DYNC2H1: variants seen among roughly 807,000 people sequenced by gnomAD.
DYNC2H1 encodes the protein cytoplasmic dynein 2 heavy chain 1.
In DYNC2H1, 410 loss-of-function variants were observed where a neutral mutation model predicts 570.0. That is an observed-to-expected ratio of 0.72 (90% CI 0.66 to 0.78). The LOEUF (loss-of-function observed/expected upper bound fraction) is 0.78. Ranked by LOEUF, DYNC2H1 falls within the 30% of genes least tolerant of loss-of-function variation. The probability of loss-of-function intolerance (pLI) is 0.00; values close to 1 mark genes in which losing one functional copy is unlikely to be tolerated. For missense variants in DYNC2H1, 4,865 were observed against 5,046.4 expected (o/e 0.96, Z 1.09); for synonymous variants, 1,688 against 1,677.6 (o/e 1.01, Z -0.15).
intron 54 of DYNC2H1, among the ~76,000 whole-genome samples, chr11:103,214,508 G>A (rs914287912): frequency 4.8e-5 from 7 of 146,842 alleles, no homozygotes; most frequent in East Asian, 2.0e-4. Context: ...GTAATAGTGC[G>A]GTCTTGGCTC....
chr11:103,175,589 CTG>C lies in DYNC2H1; in HGVS notation c.5675-643_5675-642del, dbSNP rs199580894. On this transcript the variant is annotated intron_variant, in intron 36 of 88. Coordinates refer to ENST00000375735, the MANE Select transcript of DYNC2H1 (RefSeq NM_001377.3). ...TATCTTACCAATCAGCAGCTAATAT[CTG>C]TGAAAATAAGAGTCTGGCAGTGGTA... 8.7e-3 allele frequency among the ~76,000 whole-genome samples: 1,322 copies of C among 152,222 alleles called. 15 individuals are homozygous for C. The highest frequency in any genetic ancestry group is 0.03 in the African/African-American group (1,258 of 41,538).
chr11:103,282,683 C>T (rs992803862), intron 72 of DYNC2H1, among the ~76,000 whole-genome samples: 12 of 151,774 alleles, frequency 7.9e-5, no homozygotes, highest in South Asian at 2.1e-4. Context: ...AAATATAACA[C>T]GGAACATAGA....
chr11:103,109,605 C>T lies in DYNC2H1; in HGVS notation c.31C>T (p.Leu11Phe). The part of the protein sequence containing the change: MANGTADVRK[L>F]FIFTTTQNYF... ...GAACGGGACTGCGGACGTTCGGAAGCTCTTCATCTTCACTACTACCCAGAA... is the reference window on the plus strand; with the variant it reads ...GAACGGGACTGCGGACGTTCGGAAGTTCTTCATCTTCACTACTACCCAGAA... The change falls in exon 1 of 89, where the codon CTC (leucine) becomes TTC (phenylalanine). Residue 11 changes from leucine to phenylalanine, a missense_variant. Physicochemically the swap from Leu to Phe is conservative, Grantham distance 22. Coordinates refer to ENST00000375735, the MANE Select transcript of DYNC2H1 (RefSeq NM_001377.3). 1.2e-6 allele frequency: 2 copies of T among 1,613,944 alleles called. No individual in the cohort carries two copies. The highest frequency in any genetic ancestry group is 2.2e-5 in the South Asian group (2 of 91,062).
At chr11:103,322,713 C>G (rs933600467) in intron 81 of DYNC2H1, among the ~76,000 whole-genome samples, 1 of 152,080 alleles carries the variant, frequency 6.6e-6, no homozygotes, top group Non-Finnish European at 1.5e-5. Context: ...TTGAAATAAG[C>G]AAAGTGTATA....
At chr11:103,345,351 T>C (rs922675899) in intron 82 of DYNC2H1, among the ~76,000 whole-genome samples, 1 of 152,132 alleles carries the variant, frequency 6.6e-6, no homozygotes, top group Non-Finnish European at 1.5e-5. Flanking sequence ...CTGCATAAGC[T>C]CAAGAGTTTC....
chr11:103,311,110 A>G (rs1867569163), intron 78 of DYNC2H1, among the ~76,000 whole-genome samples: 1 of 152,134 alleles, frequency 6.6e-6, no homozygotes, highest in African/African-American at 2.4e-5. Context: ...CCCTGAATTT[A>G]TTATTTTTAT....
intron 82 of DYNC2H1, among the ~76,000 whole-genome samples, chr11:103,348,207 C>G (rs1306616921): frequency 6.6e-6 from 1 of 152,128 alleles, no homozygotes; most frequent in Non-Finnish European, 1.5e-5. Context: ...CAGTGTTTAA[C>G]TGACCCTAGC....
rs895566105 is a variant in DYNC2H1, at chr11:103,243,920, A to G, written c.9918+129A>G. ...CTGTATGGGACCTTGGGCGAGAGAT[A>G]TAACTCTTAGCTTCAGTTTTCTAAT... On this transcript the variant is annotated intron_variant, in intron 64 of 88. Transcript: ENST00000375735. This position sits in a 1 kb window ranked among gnomAD's most constrained non-coding sequence, Gnocchi z 4.8. 4 of 534,178 alleles carry G rather than the reference A, an allele frequency of 7.5e-6. No individual in the cohort carries two copies. The highest frequency in any genetic ancestry group is 4.9e-5 in the South Asian group (1 of 20,472). The allele number at this position is 534,178 out of a possible 1,614,324, so 33.1% of individuals were successfully genotyped here.
At chr11:103,285,025 T>G (rs1011059530) in intron 73 of DYNC2H1, among the ~76,000 whole-genome samples, 1 of 152,188 alleles carries the variant, frequency 6.6e-6, no homozygotes, top group Non-Finnish European at 1.5e-5. Context: ...CAAAGAGGGT[T>G]AGAACATTTA....
intron 60 of DYNC2H1, 122 bp from the exon 61 acceptor site, chr11:103,233,912 C>A: frequency 1.1e-5 from 8 of 703,974 alleles, no homozygotes; most frequent in East Asian, 9.5e-5. Context: ...ACTTTGTATG[C>A]AAACATTAAT....
chr11:103,223,893 A>G (rs1863698167), intron 59 of DYNC2H1, among the ~76,000 whole-genome samples: 3 of 151,686 alleles, frequency 2.0e-5, no homozygotes, highest in Non-Finnish European at 4.4e-5. Context: ...GATTACAGGC[A>G]TGTGCCACCA....
At position 103,243,752 on chromosome 11, in the gene DYNC2H1, A is replaced by G; in HGVS notation, c.9879A>G (p.Thr3293=). 1.2e-6 allele frequency: 2 copies of G among 1,605,306 alleles called. No homozygotes were observed. Among genetic ancestry groups the G allele is most frequent in the Non-Finnish European group, 1.7e-6 (2 of 1,175,412 alleles). Residue 3293 remains threonine, a synonymous_variant, in exon 64 of 89, where the codon ACA becomes ACG. Coordinates refer to ENST00000375735, the MANE Select transcript of DYNC2H1 (RefSeq NM_001377.3). The surrounding 1 kb of genome is among the most constrained non-coding windows in gnomAD (Gnocchi z 4.8). ...PSSQATEWLK[T]HLKDSRLEVI... ...CCCAAGCTACAGAGTGGTTAAAAACACATTTGAAAGACTCACGTTTAGAAG... is the reference window on the plus strand; with the variant it reads ...CCCAAGCTACAGAGTGGTTAAAAACGCATTTGAAAGACTCACGTTTAGAAG...
rs916525765 is a variant in DYNC2H1, at chr11:103,305,690, G to A, written c.11382+970G>A. Among the ~76,000 whole-genome samples the A allele has an allele frequency of 6.7e-6, 1 of 149,322 alleles. No individual in the cohort carries two copies. The highest frequency in any genetic ancestry group is 2.5e-5 in the African/African-American group (1 of 40,608). Reference sequence around the variant, plus strand: ...AAAATCTCTGCAGTCCTAATTAATTGGCAACTACACACTTCCACAAATAGT... The same window carrying A: ...AAAATCTCTGCAGTCCTAATTAATTAGCAACTACACACTTCCACAAATAGT... On this transcript the variant is annotated intron_variant, in intron 77 of 88. Transcript: ENST00000375735. The surrounding 1 kb of genome is among the most constrained non-coding windows in gnomAD (Gnocchi z 4.3).
intron 59 of DYNC2H1, among the ~76,000 whole-genome samples, chr11:103,226,307 A>G (rs1863799411): frequency 6.6e-6 from 1 of 152,142 alleles, no homozygotes; most frequent in African/African-American, 2.4e-5. Context: ...CTCATGGGGA[A>G]TGCATTCCAC....
intron 88 of DYNC2H1, among the ~76,000 whole-genome samples, chr11:103,478,710 T>C (rs1298533917): frequency 2.0e-5 from 3 of 152,258 alleles, no homozygotes; most frequent in Non-Finnish European, 4.4e-5. Context: ...ATTTAAATTA[T>C]GATTCTAACA....
chr11:103,434,143 T>C (rs187465478), intron 84 of DYNC2H1, among the ~76,000 whole-genome samples: 1 of 152,236 alleles, frequency 6.6e-6, no homozygotes, highest in East Asian at 1.9e-4. Context: ...GTCTGTTTCC[T>C]GCCCATAGAA....
In DYNC2H1 at chr11:103,252,365, A is replaced by T. The variant is rs1864868056; in HGVS notation, c.10043-920A>T. Among the ~76,000 whole-genome samples the T allele has an allele frequency of 6.6e-6, 1 of 152,154 alleles. No homozygotes were observed. The highest frequency in any genetic ancestry group is 2.4e-5 in the African/African-American group (1 of 41,428). ...GTGGTGACTTATTTCCTTTGGGCAT[A>T]TACCCAGAAAAAAGATTGCTGGGTC... On this transcript the variant is annotated intron_variant, in intron 65 of 88. Coordinates refer to ENST00000375735, the MANE Select transcript of DYNC2H1 (RefSeq NM_001377.3). This position sits in a 1 kb window ranked among gnomAD's most constrained non-coding sequence, Gnocchi z 4.6.
At chr11:103,328,472 A>G (rs1314563116) in intron 82 of DYNC2H1, among the ~76,000 whole-genome samples, 1 of 152,222 alleles carries the variant, frequency 6.6e-6, no homozygotes, top group African/African-American at 2.4e-5. Flanking sequence ...ATTTGACACC[A>G]TGCCTGTCAA....
At chr11:103,402,376 C>T (rs942480097) in intron 84 of DYNC2H1, 11 of 152,072 alleles carry the variant, frequency 7.2e-5, no homozygotes, top group African/African-American at 9.7e-5. Flanking sequence ...AATTGTTGTA[C>T]GGTGGCCTTG....
Sources: gnomAD v4.1 joint callset for allele counts (sites outside exome capture counted in the v4.1 genomes callset) on GRCh38, gnomAD v4.1.1 for gene constraint, Gnocchi (gnomAD v3.1) non-coding constraint, MANE v1.5 for transcripts, NCBI Gene and HGNC (gene_info 2026-07-23, HGNC 2026-07-21) for gene names.